Variants in RANBP2 observed in about 807,000 individuals in gnomAD.
RANBP2 encodes the protein RAN binding protein 2.
Under a neutral mutation model 303.6 loss-of-function variants are expected in RANBP2, and 57 were observed. That is an observed-to-expected ratio of 0.19 (90% CI 0.15 to 0.23). RANBP2 has a LOEUF of 0.23. Ranked by LOEUF, RANBP2 falls within the 10% of genes least tolerant of loss-of-function variation. The pLI is 1.00. For synonymous variants in RANBP2, 1,167 were observed against 1,301.5 expected (o/e 0.90, Z 2.23); for missense variants, 3,138 against 3,780.8 (o/e 0.83, Z 4.46).
At chr2:108,906,408 G>A in the RANBP2 span, 1 of 1,610,792 alleles carries the variant, frequency 6.2e-7, no homozygotes, top group Non-Finnish European at 8.5e-7. Context: ...CCAGAAAGGG[G>A]CAACAGTAGA....
the RANBP2 span, among the ~76,000 whole-genome samples, chr2:109,246,226 C>T: frequency 6.6e-6 from 1 of 152,312 alleles, no homozygotes; most frequent in African/African-American, 2.4e-5. Flanking sequence ...GGTTTAAAAG[C>T]GGCAGCAATT....
chr2:109,348,719 T>G, the RANBP2 span, among the ~76,000 whole-genome samples: 1 of 152,154 alleles, frequency 6.6e-6, no homozygotes, highest in African/African-American at 2.4e-5. Context: ...TTATCCAGGC[T>G]GCTTGCTGGG....
At chr2:109,235,021 T>C in the RANBP2 span, among the ~76,000 whole-genome samples, 2 of 152,228 alleles carry the variant, frequency 1.3e-5, no homozygotes, top group African/African-American at 4.8e-5. Flanking sequence ...CTTTAGAAGC[T>C]GCCCTGGTCC....
chr2:108,915,421 G>A, the RANBP2 span, among the ~76,000 whole-genome samples: 1 of 152,170 alleles, frequency 6.6e-6, no homozygotes, highest in Admixed American at 6.5e-5. Context: ...GGCTTGGGAG[G>A]GACCAGGGCA....
At chr2:109,422,685 C>T in the RANBP2 span, among the ~76,000 whole-genome samples, 1 of 152,188 alleles carries the variant, frequency 6.6e-6, no homozygotes, top group African/African-American at 2.4e-5. Context: ...ATTGTCTGCT[C>T]CTAGAGGCCA....
chr2:108,899,025 A>G, the RANBP2 span, among the ~76,000 whole-genome samples: 1 of 152,256 alleles, frequency 6.6e-6, no homozygotes, highest in Non-Finnish European at 1.5e-5. Context: ...ATGATGGTTT[A>G]GAACTCTCCA....
At chr2:109,208,212 T>C in the RANBP2 span, among the ~76,000 whole-genome samples, 1 of 152,226 alleles carries the variant, frequency 6.6e-6, no homozygotes, top group Non-Finnish European at 1.5e-5. Context: ...AGAGCAAAGC[T>C]GAGGTTTTAG....
At chr2:109,206,998 G>A in the RANBP2 span, among the ~76,000 whole-genome samples, 2 of 152,284 alleles carry the variant, frequency 1.3e-5, no homozygotes, top group East Asian at 1.9e-4. Flanking sequence ...TTGGCTGAGC[G>A]CTGCATTTGC....
chr2:109,470,655 T>TG, the RANBP2 span, among the ~76,000 whole-genome samples: 2 of 152,018 alleles, frequency 1.3e-5, no homozygotes, highest in African/African-American at 4.8e-5. Context: ...ACGCATGGGG[T>TG]GCCTAGAAAC....
At chr2:109,398,576 C>G in the RANBP2 span, 5 of 1,538,428 alleles carry the variant, frequency 3.3e-6, no homozygotes, top group Non-Finnish European at 4.4e-6. Context: ...TCCCCTCTCC[C>G]CTTTCTCACT....
chr2:109,401,513 C>T, the RANBP2 span, among the ~76,000 whole-genome samples: 3 of 152,204 alleles, frequency 2.0e-5, no homozygotes, highest in Admixed American at 2.0e-4. Context: ...CAGTGCCTAT[C>T]CTGACAAGTA....
chr2:109,415,854 C>T, the RANBP2 span, among the ~76,000 whole-genome samples: 1 of 152,282 alleles, frequency 6.6e-6, no homozygotes, highest in African/African-American at 2.4e-5. Context: ...GAAATTTAAT[C>T]CCCCAGGCGC....
the RANBP2 span, among the ~76,000 whole-genome samples, chr2:109,247,298 G>C: frequency 6.6e-6 from 1 of 152,180 alleles, no homozygotes; most frequent in African/African-American, 2.4e-5. Flanking sequence ...TGGCTTTCAA[G>C]AGCTTTCTTG....
the RANBP2 span, among the ~76,000 whole-genome samples, chr2:109,114,386 C>G: frequency 6.6e-6 from 1 of 152,056 alleles, no homozygotes; most frequent in Non-Finnish European, 1.5e-5. Flanking sequence ...GAGGAATTTA[C>G]CCATTTCTTC....
chr2:109,558,611 G>T, the RANBP2 span, among the ~76,000 whole-genome samples: 2 of 152,080 alleles, frequency 1.3e-5, no homozygotes, highest in African/African-American at 4.8e-5. Flanking sequence ...TGCTATTTAC[G>T]TGGGCCTCGT....
chr2:109,208,771 A>T, the RANBP2 span, among the ~76,000 whole-genome samples: 529 of 152,346 alleles, frequency 3.5e-3, 2 homozygotes, highest in Non-Finnish European at 3.6e-3. Context: ...GGTCAAGGGA[A>T]TCTTGCCCTA....
chr2:108,739,829 T>C (rs1364605836), intron 6 of RANBP2, among the ~76,000 whole-genome samples: 2 of 151,916 alleles, frequency 1.3e-5, no homozygotes, highest in Non-Finnish European at 2.9e-5. Flanking sequence ...ACTAGAAATA[T>C]AAAAAAAGTT....
intron 6 of RANBP2, 69 bp downstream of exon 6, chr2:108,736,318 T>A: frequency 6.2e-7 from 1 of 1,610,568 alleles, no homozygotes; most frequent in South Asian, 1.1e-5. Context: ...AGTTCATTGC[T>A]CTAAACTTCT....
the RANBP2 span, among the ~76,000 whole-genome samples, chr2:109,066,370 G>A: frequency 1.3e-5 from 2 of 152,146 alleles, no homozygotes; most frequent in African/African-American, 4.8e-5. Context: ...GCCTCCCAAA[G>A]TGCTGGGATT....
Sources: allele counts gnomAD v4.1 joint callset (sites outside exome capture counted in the v4.1 genomes callset), GRCh38; gene constraint gnomAD v4.1.1; transcripts MANE v1.5; gene names NCBI Gene and HGNC (gene_info 2026-07-23, HGNC 2026-07-21).